Variants in CELF2 observed in about 807,000 individuals in gnomAD.
CELF2 encodes the protein CUG triplet repeat RNA-binding protein 2.
In CELF2, 8 loss-of-function variants were observed where a neutral mutation model predicts 62.6. The observed-to-expected ratio is 0.13, with a 90% confidence interval of 0.07 to 0.23. CELF2 has a LOEUF of 0.23. CELF2 is among the 10% of genes least tolerant of loss of function. CELF2 has a pLI of 1.00. For synonymous variants in CELF2, 258 were observed against 250.0 expected, an observed-to-expected ratio of 1.03 and a Z score of -0.30; for missense variants, 333 against 671.0, an observed-to-expected ratio of 0.50 and a Z score of 5.56.
At chr10:11,081,490 T>C (rs1314096600) in intron 1 of CELF2, among the ~76,000 whole-genome samples, 3 of 152,006 alleles carry the variant, frequency 2.0e-5, no homozygotes, top group Admixed American at 2.0e-4. Flanking sequence ...AGAACATTTT[T>C]CCCAGGAAAG....
intron 1 of CELF2, among the ~76,000 whole-genome samples, chr10:10,863,402 C>T (rs2060160435): frequency 6.6e-6 from 1 of 152,168 alleles, no homozygotes; most frequent in African/African-American, 2.4e-5. Flanking sequence ...CATTTGTTAT[C>T]TGTCAAAAAC....
At chr10:11,160,024 C>T (rs1366020900) in intron 1 of CELF2, among the ~76,000 whole-genome samples, 1 of 152,230 alleles carries the variant, frequency 6.6e-6, no homozygotes, top group African/African-American at 2.4e-5. Flanking sequence ...GTGTCAGTGA[C>T]ACCTTGTCAG....
At chr10:10,800,204 A>T (rs2054522442) in intron 1 of CELF2, among the ~76,000 whole-genome samples, 1 of 152,208 alleles carries the variant, frequency 6.6e-6, no homozygotes, top group Non-Finnish European at 1.5e-5. Context: ...CATATTCTAG[A>T]ACTTTCCACG....
At chr10:11,074,209 C>A (rs1383734761) in intron 1 of CELF2, among the ~76,000 whole-genome samples, 1 of 152,150 alleles carries the variant, frequency 6.6e-6, no homozygotes, top group Non-Finnish European at 1.5e-5. Flanking sequence ...AATTTATATC[C>A]TTTTGTATTT....
At chr10:11,196,451 C>G (rs2057502362) in intron 2 of CELF2, among the ~76,000 whole-genome samples, 2 of 151,152 alleles carry the variant, frequency 1.3e-5, no homozygotes, top group Non-Finnish European at 2.9e-5. Context: ...CACTTAAGCC[C>G]AGGAGTTGGC....
At chr10:11,064,582 T>G (rs1023622896) in intron 1 of CELF2, among the ~76,000 whole-genome samples, 1 of 152,144 alleles carries the variant, frequency 6.6e-6, no homozygotes, top group Non-Finnish European at 1.5e-5. Context: ...AGTGAAAGAT[T>G]TAAAATTATT....
the CELF2 span, among the ~76,000 whole-genome samples, chr10:10,734,804 G>A: frequency 1.7e-3 from 265 of 152,230 alleles, no homozygotes; most frequent in Non-Finnish European, 2.2e-3. Flanking sequence ...GTTTGCCCAG[G>A]ACAGTCCCAG....
At chr10:11,176,511 G>C (rs1029318161) in intron 2 of CELF2, among the ~76,000 whole-genome samples, 1 of 152,170 alleles carries the variant, frequency 6.6e-6, no homozygotes, top group South Asian at 2.1e-4. Flanking sequence ...ACTCTGACGT[G>C]TATTTTAAAC....
intron 2 of CELF2, among the ~76,000 whole-genome samples, chr10:10,973,280 C>CAA (rs113845189): frequency 1.3e-5 from 2 of 151,176 alleles, no homozygotes; most frequent in African/African-American, 2.4e-5. Context: ...GACTCTGTCT[C>CAA]AAAAAAACAA....
intron 2 of CELF2, among the ~76,000 whole-genome samples, chr10:10,945,802 T>TAGA (rs1189325488): frequency 6.6e-6 from 1 of 152,144 alleles, no homozygotes; most frequent in African/African-American, 2.4e-5. Context: ...CACTCCAGGA[T>TAGA]AGAAGCCCCA....
At chr10:10,781,202 T>G in the CELF2 span, among the ~76,000 whole-genome samples, 2 of 152,188 alleles carry the variant, frequency 1.3e-5, no homozygotes, top group East Asian at 1.9e-4. Flanking sequence ...CATATATGAG[T>G]GGCCCCAGCA....
the CELF2 span, among the ~76,000 whole-genome samples, chr10:10,523,739 G>A: frequency 9.9e-4 from 150 of 152,280 alleles, no homozygotes; most frequent in South Asian, 6.0e-3. Flanking sequence ...ACAGAGCATG[G>A]CTCCTGCCCT....
chr10:10,618,874 T>C, the CELF2 span, among the ~76,000 whole-genome samples: 2 of 152,136 alleles, frequency 1.3e-5, no homozygotes, highest in African/African-American at 2.4e-5. Context: ...CAGGGGGTTC[T>C]ATAGCTGAGC....
In CELF2 at chr10:11,214,050, G is replaced by A. The variant is rs112485210; in HGVS notation, c.272-3375G>A. 2.1e-3 allele frequency among the ~76,000 whole-genome samples: 319 copies of A among 152,240 alleles called. 4 individuals are homozygous for A. Among genetic ancestry groups the A allele is most frequent in the African/African-American group, 7.2e-3 (300 of 41,538 alleles). On this transcript the variant is annotated intron_variant, in intron 2 of 12. Coordinates refer to ENST00000633077, the MANE Select transcript of CELF2 (RefSeq NM_001326342.2). The surrounding 1 kb of genome is among the most constrained non-coding windows in gnomAD (Gnocchi z 4.2). Reference sequence around the variant, plus strand: ...TATAGTCTAAGGGCTTTGGGAGGCCGAGGTGGGAGGACCACTTGAGGCCAG... The same window carrying A: ...TATAGTCTAAGGGCTTTGGGAGGCCAAGGTGGGAGGACCACTTGAGGCCAG...
chr10:11,146,531 G>C (rs956078111), intron 1 of CELF2, among the ~76,000 whole-genome samples: 4 of 152,262 alleles, frequency 2.6e-5, no homozygotes, highest in South Asian at 4.1e-4. Context: ...GCCTGTCTGT[G>C]GTCATGGTTA....
the CELF2 span, among the ~76,000 whole-genome samples, chr10:10,495,787 C>T: frequency 1.3e-5 from 2 of 152,156 alleles, no homozygotes; most frequent in Admixed American, 1.3e-4. Flanking sequence ...CTACAATGAT[C>T]CCTTCTGTTC....
chr10:10,667,050 T>A, the CELF2 span, among the ~76,000 whole-genome samples: 1 of 152,124 alleles, frequency 6.6e-6, no homozygotes, highest in Non-Finnish European at 1.5e-5. Flanking sequence ...ATGATGGAGA[T>A]GTGAATAATA....
At chr10:10,642,813 G>C in the CELF2 span, among the ~76,000 whole-genome samples, 4 of 152,232 alleles carry the variant, frequency 2.6e-5, no homozygotes, top group South Asian at 8.3e-4. Context: ...GGTGCAGGTG[G>C]AGCCCTGCCC....
rs1349529162 is a variant in CELF2, at chr10:11,110,304, T to C, written c.75-55182T>C. On this transcript the variant is annotated intron_variant, in intron 1 of 12. Coordinates refer to ENST00000633077, the MANE Select transcript of CELF2 (RefSeq NM_001326342.2). This position sits in a 1 kb window ranked among gnomAD's most constrained non-coding sequence, Gnocchi z 4.0. ...AAAAAATCTGCTTTTTGTTCTTTTC[T>C]AGCTACATTACATCTTTAGATGTAT... 6.6e-6 allele frequency among the ~76,000 whole-genome samples: 1 copy of C among 152,216 alleles called. No homozygotes were observed. The highest frequency in any genetic ancestry group is 1.5e-5 in the Non-Finnish European group (1 of 68,038).
Sources: allele counts gnomAD v4.1 joint callset (sites outside exome capture counted in the v4.1 genomes callset), GRCh38; gene constraint gnomAD v4.1.1; non-coding constraint Gnocchi (gnomAD v3.1); transcripts MANE v1.5; gene names NCBI Gene and HGNC (gene_info 2026-07-23, HGNC 2026-07-21).